The following NFIB variants were observed in gnomAD, a reference collection of about 807,000 sequenced individuals.
NFIB encodes nuclear factor I B, also known as nuclear factor 1 B-type.
In NFIB, 11 loss-of-function variants were observed where a neutral mutation model predicts 61.5. That is an observed-to-expected ratio of 0.18 (90% CI 0.11 to 0.30). The LOEUF is 0.30. NFIB is among the 10% of genes least tolerant of loss of function. The probability of loss-of-function intolerance (pLI) is 1.00; values close to 1 mark genes in which losing one functional copy is unlikely to be tolerated. For synonymous variants in NFIB, 260 were observed against 216.5 expected (o/e 1.20, Z -1.76); for missense variants, 471 against 608.9 (o/e 0.77, Z 2.38).
At chr9:14,213,336 T>C (rs60863471) in intron 2 of NFIB, among the ~76,000 whole-genome samples, 4,118 of 152,256 alleles carry the variant, frequency 0.027, 175 homozygotes, top group African/African-American at 0.091. Flanking sequence ...CCCAGGTTCC[T>C]TGTTAGTCAC....
At chr9:14,145,129 A>AGG (rs35601408) in intron 6 of NFIB, among the ~76,000 whole-genome samples, 5 of 151,366 alleles carry the variant, frequency 3.3e-5, no homozygotes, top group Non-Finnish European at 7.4e-5. Flanking sequence ...ATTCCGTCTG[A>AGG]GGGGGGGGTC....
intron 2 of NFIB, among the ~76,000 whole-genome samples, chr9:14,288,240 G>A (rs2058845550): frequency 1.3e-5 from 2 of 151,876 alleles, no homozygotes; most frequent in Admixed American, 6.6e-5. Flanking sequence ...GATACTTTAC[G>A]AAACATTTTA....
At chr9:14,159,768 C>A (rs1246926093) in intron 3 of NFIB, among the ~76,000 whole-genome samples, 1 of 152,184 alleles carries the variant, frequency 6.6e-6, no homozygotes. Flanking sequence ...TTGAAATGGG[C>A]AGGGGTCCTG....
the NFIB span, among the ~76,000 whole-genome samples, chr9:14,410,951 C>T: frequency 6.6e-6 from 1 of 152,136 alleles, no homozygotes; most frequent in Non-Finnish European, 1.5e-5. Flanking sequence ...AGTTCTGTTA[C>T]CTTTGACACC....
chr9:14,096,553 G>T (rs1305370541), intron 10 of NFIB: 2 of 152,066 alleles, frequency 1.3e-5, no homozygotes, highest in Non-Finnish European at 2.9e-5. Flanking sequence ...TTAACTTAAA[G>T]CTCCAAACAT....
Position 14,313,482 on chromosome 9 carries a change from C to T in NFIB, c.30G>A (p.Gln10=). 6.2e-7 allele frequency: 1 copy of T among 1,613,972 alleles called. No homozygotes were observed. The change falls in exon 1 of 11, where the codon CAG becomes CAA. Residue 10 remains glutamine (Q), a splice_region_variant and synonymous_variant. Transcript: ENST00000380953. This position sits in a 1 kb window ranked among gnomAD's most constrained non-coding sequence, Gnocchi z 4.5. Reference sequence around the variant, plus strand: ...TCGAGAAAGCGACCGAGACATGTACCTGAGTGAGACAGATGGGAGAATACA... The same window carrying T: ...TCGAGAAAGCGACCGAGACATGTACTTGAGTGAGACAGATGGGAGAATACA... The part of the protein sequence containing the change: MMYSPICLT[Q]DEFHPFIEAL...
rs1444542835 is a variant in NFIB, at chr9:14,307,258, C to G, written c.293G>C (p.Gly98Ala). 1 of 1,614,022 alleles carries G rather than the reference C, an allele frequency of 6.2e-7. No individual in the cohort carries two copies. The highest frequency in any genetic ancestry group is 8.5e-7 in the Non-Finnish European group (1 of 1,180,018). Residue 98 changes from glycine (G) to alanine (A), a missense_variant, in exon 2 of 11, where the codon GGC (glycine) becomes GCC (alanine). Physicochemically the swap from Gly to Ala is moderately conservative, Grantham distance 60. This residue lies in a region of NFIB where 99 missense variants were observed against 213.3 expected (regional missense o/e 0.46). Transcript: ENST00000380953. This position sits in a 1 kb window ranked among gnomAD's most constrained non-coding sequence, Gnocchi z 5.3. Reference sequence around the variant, plus strand: ...TAAGACACAGCACGGGTGCTTCTTGCCAGTCACGGTGAGCACAAAGTCCTC... The same window carrying G: ...TAAGACACAGCACGGGTGCTTCTTGGCAGTCACGGTGAGCACAAAGTCCTC... ...YREDFVLTVT[G>A]KKHPCCVLSN...
intron 6 of NFIB, among the ~76,000 whole-genome samples, chr9:14,126,763 AT>A (rs2039706333): frequency 6.6e-6 from 1 of 152,338 alleles, no homozygotes; most frequent in East Asian, 1.9e-4. Flanking sequence ...GTTTAAAACA[AT>A]TCCCCCAGAA....
rs182476735 is a variant in NFIB, at chr9:14,299,345, T to C, written c.562+7644A>G. Among the ~76,000 whole-genome samples, 30 of 152,322 alleles carry C rather than the reference T, an allele frequency of 2.0e-4. No individual in the cohort carries two copies. In the East Asian group the frequency reaches 4.6e-3, roughly 23 times the overall value. ...CTATATATGTGTCGCTTAATATTAA[T>C]GGATGCTTGTTAAATGCTTTTATGT... On this transcript the variant is annotated intron_variant, in intron 2 of 10. Transcript: ENST00000380953.
chr9:14,519,091 G>A, the NFIB span, among the ~76,000 whole-genome samples: 1 of 152,130 alleles, frequency 6.6e-6, no homozygotes, highest in African/African-American at 2.4e-5. Flanking sequence ...TGTGTGTATG[G>A]TGGTGATGGT....
the NFIB span, among the ~76,000 whole-genome samples, chr9:14,404,740 T>C: frequency 6.6e-6 from 1 of 152,168 alleles, no homozygotes; most frequent in African/African-American, 2.4e-5. Context: ...TTAAAGAGAC[T>C]AGGACCATGG....
chr9:14,463,056 T>G, the NFIB span, among the ~76,000 whole-genome samples: 1 of 152,020 alleles, frequency 6.6e-6, no homozygotes, highest in Non-Finnish European at 1.5e-5. Flanking sequence ...AAGTTCAATT[T>G]AATAAAATTT....
upstream of NFIB, among the ~76,000 whole-genome samples, chr9:14,316,748 C>T (rs2060551871): frequency 6.6e-6 from 1 of 152,016 alleles, no homozygotes; most frequent in Non-Finnish European, 1.5e-5. Context: ...ACACTGCATC[C>T]CCTTTCTCAC....
At chr9:14,321,809 C>T in intron 1 of NFIB, 2 of 1,076,638 alleles carry the variant, frequency 1.9e-6, no homozygotes, top group Non-Finnish European at 2.4e-6. Context: ...ACAAAAATGA[C>T]ATTTAGGAAA....
intron 1 of NFIB, among the ~76,000 whole-genome samples, chr9:14,358,876 T>C (rs1482515094): frequency 1.3e-5 from 2 of 152,218 alleles, no homozygotes; most frequent in Admixed American, 1.3e-4. Context: ...TATAATTAAA[T>C]TATGTTAAAA....
chr9:14,402,113 T>C (rs1469481131), upstream of NFIB, among the ~76,000 whole-genome samples: 1 of 152,116 alleles, frequency 6.6e-6, no homozygotes, highest in Non-Finnish European at 1.5e-5. Flanking sequence ...GCCTGAAACT[T>C]TGACTGCCAG....
chr9:14,477,669 T>C, the NFIB span, among the ~76,000 whole-genome samples: 15 of 152,122 alleles, frequency 9.9e-5, no homozygotes, highest in South Asian at 1.2e-3. Context: ...GTAAAAGCAA[T>C]AAAGTTTAAA....
the NFIB span, among the ~76,000 whole-genome samples, chr9:14,492,143 C>G: frequency 6.6e-6 from 1 of 152,056 alleles, no homozygotes. Flanking sequence ...GCGGGTGGAT[C>G]ACAAGGTCAG....
intron 6 of NFIB, among the ~76,000 whole-genome samples, chr9:14,144,486 G>C (rs2042081232): frequency 1.3e-5 from 2 of 152,142 alleles, no homozygotes; most frequent in South Asian, 2.1e-4. Context: ...TCTGGTAAAA[G>C]TCTCTATTAT....
Sources: allele counts gnomAD v4.1 joint callset (sites outside exome capture counted in the v4.1 genomes callset), GRCh38; gene constraint gnomAD v4.1.1; regional missense constraint gnomAD v4.1.1; non-coding constraint Gnocchi (gnomAD v3.1); transcripts MANE v1.5; gene names NCBI Gene and HGNC (gene_info 2026-07-23, HGNC 2026-07-21).